The following ATP10B variants were observed in gnomAD, a reference collection of about 807,000 sequenced individuals.
ATP10B encodes phospholipid-transporting ATPase VB.
Under a neutral mutation model 141.2 loss-of-function variants are expected in ATP10B, and 122 were observed. The observed-to-expected ratio is 0.86, with a 90% CI of 0.75 to 1.00. The LOEUF is 1.00. ATP10B is among the 50% of genes least tolerant of loss of function. The pLI, the probability that ATP10B is intolerant of heterozygous loss-of-function variation, is 0.00. For synonymous variants in ATP10B, 685 were observed against 692.0 expected (o/e 0.99, Z 0.16); for missense variants, 1,876 against 1,825.3 (o/e 1.03, Z -0.51).
chr5:160,599,346 A>G (rs1216150303), intron 21 of ATP10B, among the ~76,000 whole-genome samples: 1 of 152,234 alleles, frequency 6.6e-6, no homozygotes. Flanking sequence ...TATTGAGGAC[A>G]TTAATTGAGG....
At chr5:160,845,638 T>A (rs1207172782) in intron 1 of ATP10B, among the ~76,000 whole-genome samples, 1 of 152,144 alleles carries the variant, frequency 6.6e-6, no homozygotes, top group African/African-American at 2.4e-5. Context: ...ATGTAAGAAA[T>A]CACACCTGAA....
intron 7 of ATP10B, among the ~76,000 whole-genome samples, chr5:160,664,670 G>C (rs1201143098): frequency 6.6e-6 from 1 of 152,208 alleles, no homozygotes; most frequent in Non-Finnish European, 1.5e-5. Context: ...CAAGCTCTCA[G>C]TGATGCTTAC....
intron 21 of ATP10B, among the ~76,000 whole-genome samples, chr5:160,599,733 C>T (rs1017793001): frequency 6.6e-6 from 1 of 152,178 alleles, no homozygotes; most frequent in African/African-American, 2.4e-5. Context: ...TTTTCTAAAG[C>T]TCTTTCTCAC....
At chr5:160,691,193 C>G (rs539308492) in intron 3 of ATP10B, among the ~76,000 whole-genome samples, 21 of 152,190 alleles carry the variant, frequency 1.4e-4, no homozygotes, top group African/African-American at 5.1e-4. Context: ...ATATCACACA[C>G]CAGGGCCTGT....
At chr5:160,723,885 G>A (rs1363186902) in intron 2 of ATP10B, among the ~76,000 whole-genome samples, 1 of 152,052 alleles carries the variant, frequency 6.6e-6, no homozygotes, top group Non-Finnish European at 1.5e-5. Flanking sequence ...CAACTTAAAT[G>A]CCCATCAATG....
chr5:160,761,808 G>A (rs1412999045), intron 2 of ATP10B, among the ~76,000 whole-genome samples: 3 of 148,238 alleles, frequency 2.0e-5, no homozygotes, highest in African/African-American at 7.4e-5. Context: ...AGAGAAAGGT[G>A]AAGTCCAACT....
At chr5:160,832,120 A>G (rs1245571808) in intron 1 of ATP10B, among the ~76,000 whole-genome samples, 2 of 72,240 alleles carry the variant, frequency 2.8e-5, no homozygotes, top group Non-Finnish European at 8.5e-5. Flanking sequence ...AATAATAATC[A>G]TAATAATGCC....
the ATP10B span, among the ~76,000 whole-genome samples, chr5:160,919,096 C>A: frequency 2.9e-4 from 43 of 149,800 alleles, no homozygotes; most frequent in African/African-American, 9.7e-4. Flanking sequence ...TGGTGGCGCG[C>A]ACCTGTAGTC....
intron 19 of ATP10B, 25 bp downstream of exon 19, chr5:160,606,740 A>G: frequency 6.3e-7 from 1 of 1,598,362 alleles, no homozygotes. Context: ...CCAAAGTGCC[A>G]CCCGCATCTC....
chr5:160,731,946 C>T (rs746848031), intron 2 of ATP10B, among the ~76,000 whole-genome samples: 2 of 152,156 alleles, frequency 1.3e-5, no homozygotes, highest in Non-Finnish European at 2.9e-5. Context: ...GATCCAGCAT[C>T]TCCATATTTA....
intron 2 of ATP10B, among the ~76,000 whole-genome samples, chr5:160,731,794 A>G (rs1766759595): frequency 6.6e-6 from 1 of 152,236 alleles, no homozygotes; most frequent in African/African-American, 2.4e-5. Flanking sequence ...CTATGCATGG[A>G]CGAGGCTCAA....
At chr5:160,927,636 C>A in the ATP10B span, among the ~76,000 whole-genome samples, 2 of 152,162 alleles carry the variant, frequency 1.3e-5, no homozygotes, top group Non-Finnish European at 2.9e-5. Flanking sequence ...CTCCTGTTCC[C>A]TTCGATTACT....
At chr5:160,596,965 T>C (rs1756739717) in intron 22 of ATP10B, among the ~76,000 whole-genome samples, 1 of 152,226 alleles carries the variant, frequency 6.6e-6, no homozygotes, top group African/African-American at 2.4e-5. Context: ...ATGGCCATAC[T>C]GCCCAAGGTA....
intron 24 of ATP10B, among the ~76,000 whole-genome samples, chr5:160,571,149 T>C (rs1220463037): frequency 1.3e-5 from 2 of 152,174 alleles, no homozygotes; most frequent in East Asian, 3.8e-4. Flanking sequence ...AAAGATTGCC[T>C]ATATTTCATT....
At chr5:160,602,754 C>A (rs1273522492) in intron 20 of ATP10B, 52 bp from the exon 21 acceptor site, 1 of 1,609,972 alleles carries the variant, frequency 6.2e-7, no homozygotes, top group African/African-American at 1.3e-5. Flanking sequence ...GCCAGTGCCC[C>A]AGAGGGACTC....
the ATP10B span, among the ~76,000 whole-genome samples, chr5:160,877,287 A>G: frequency 4.9e-4 from 72 of 147,722 alleles, no homozygotes; most frequent in Admixed American, 4.8e-3. Context: ...CAAAAACCAC[A>G]TGATTATCTC....
intron 3 of ATP10B, among the ~76,000 whole-genome samples, chr5:160,703,244 G>A (rs916565864): frequency 7.2e-5 from 11 of 151,994 alleles, no homozygotes; most frequent in Admixed American, 3.9e-4. Context: ...TCCAGAATAC[G>A]ACAATGAAGT....
chr5:160,862,571 T>C, the ATP10B span, among the ~76,000 whole-genome samples: 4 of 152,012 alleles, frequency 2.6e-5, no homozygotes, highest in African/African-American at 9.7e-5. Flanking sequence ...TACAGTATTC[T>C]TTATAAAGCC....
chr5:160,613,967 G>T (rs561428761), intron 17 of ATP10B: 1 of 152,028 alleles, frequency 6.6e-6, no homozygotes, highest in East Asian at 1.9e-4. Context: ...GGTTACGTTG[G>T]ATGCATATTG....
Sources: gnomAD v4.1 joint callset for allele counts (sites outside exome capture counted in the v4.1 genomes callset) on GRCh38, gnomAD v4.1.1 for gene constraint, MANE v1.5 for transcripts, NCBI Gene and HGNC (gene_info 2026-07-23, HGNC 2026-07-21) for gene names.